Variants in PDE4D observed in about 807,000 individuals in gnomAD.
PDE4D encodes 3',5'-cyclic-AMP phosphodiesterase 4D.
Under a neutral mutation model 87.4 loss-of-function variants are expected in PDE4D, and 24 were observed. The observed-to-expected ratio is 0.27, with a 90% CI of 0.20 to 0.39. The LOEUF is 0.39. Ranked by LOEUF, PDE4D falls within the 10% of genes least tolerant of loss-of-function variation. The probability of loss-of-function intolerance (pLI) is 1.00; values close to 1 mark genes in which losing one functional copy is unlikely to be tolerated. For synonymous variants in PDE4D, 384 were observed against 383.2 expected (o/e 1.00, Z -0.02); for missense variants, 714 against 1,041.0 (o/e 0.69, Z 4.32).
At chr5:59,184,677 T>G (rs924953642) in intron 4 of PDE4D, among the ~76,000 whole-genome samples, 21 of 152,152 alleles carry the variant, frequency 1.4e-4, no homozygotes, top group Non-Finnish European at 2.8e-4. Flanking sequence ...GATAATCCTT[T>G]CCCATCTTTC....
intron 2 of PDE4D, among the ~76,000 whole-genome samples, chr5:60,059,267 AG>A (rs1220560942): frequency 4.6e-5 from 7 of 151,984 alleles, no homozygotes; most frequent in African/African-American, 1.7e-4. Flanking sequence ...GCATTCTAGT[AG>A]CAACTTCTCT....
At chr5:59,592,508 C>T (rs1281116238) in intron 1 of PDE4D, among the ~76,000 whole-genome samples, 1 of 151,972 alleles carries the variant, frequency 6.6e-6, no homozygotes, top group African/African-American at 2.4e-5. Flanking sequence ...CCAGCAAATG[C>T]TTTGTTGGGA....
chr5:59,420,689 G>GAAAAAAAAA (rs55960957), intron 1 of PDE4D, among the ~76,000 whole-genome samples: 2 of 122,012 alleles, frequency 1.6e-5, no homozygotes, highest in Non-Finnish European at 1.7e-5. Flanking sequence ...TACTGCACAA[G>GAAAAAAAAA]AAAAAAAAAA....
At chr5:60,121,638 A>C (rs1778694000) in intron 2 of PDE4D, among the ~76,000 whole-genome samples, 1 of 152,066 alleles carries the variant, frequency 6.6e-6, no homozygotes, top group African/African-American at 2.4e-5. Flanking sequence ...TCTCCCACCA[A>C]ATGCCTCCCA....
At chr5:60,479,910 G>A (rs1748600023) in intron 1 of PDE4D, among the ~76,000 whole-genome samples, 1 of 152,098 alleles carries the variant, frequency 6.6e-6, no homozygotes, top group Non-Finnish European at 1.5e-5. Flanking sequence ...TTTATACATA[G>A]GTTTTAGAAA....
intron 1 of PDE4D, among the ~76,000 whole-genome samples, chr5:59,627,300 C>T (rs956880698): frequency 6.6e-6 from 1 of 152,102 alleles, no homozygotes; most frequent in Admixed American, 6.5e-5. Flanking sequence ...TCAGAAAAGT[C>T]ACAAAGCAGG....
intron 1 of PDE4D, among the ~76,000 whole-genome samples, chr5:59,342,564 A>C (rs996963306): frequency 1.1e-4 from 16 of 152,266 alleles, no homozygotes; most frequent in African/African-American, 3.8e-4. Context: ...TTTAAAGTAC[A>C]TAAATTTTGG....
chr5:59,670,508 A>C (rs1747009362), intron 1 of PDE4D, among the ~76,000 whole-genome samples: 2 of 152,222 alleles, frequency 1.3e-5, no homozygotes, highest in South Asian at 4.1e-4. Flanking sequence ...AATTATTTTC[A>C]GCCTATGTTT....
chr5:60,351,286 T>A (rs1026601169), intron 1 of PDE4D, among the ~76,000 whole-genome samples: 2 of 152,194 alleles, frequency 1.3e-5, no homozygotes, highest in Admixed American at 6.6e-5. Flanking sequence ...TCCACTCATC[T>A]TCTTCTCCTT....
intron 2 of PDE4D, among the ~76,000 whole-genome samples, chr5:60,051,321 C>G (rs779662531): frequency 6.6e-6 from 1 of 152,100 alleles, no homozygotes; most frequent in African/African-American, 2.4e-5. Context: ...TGCAAAAGAA[C>G]AGAAATCATA....
At chr5:60,432,516 C>T (rs939601347) in intron 1 of PDE4D, among the ~76,000 whole-genome samples, 5 of 152,206 alleles carry the variant, frequency 3.3e-5, no homozygotes, top group East Asian at 1.9e-4. Flanking sequence ...TATCAATTTA[C>T]ATATGCAATG....
chr5:59,386,857 G>A (rs1211337924), intron 1 of PDE4D, among the ~76,000 whole-genome samples: 1 of 152,144 alleles, frequency 6.6e-6, no homozygotes, highest in African/African-American at 2.4e-5. Flanking sequence ...GAGGTAAAAT[G>A]AATTGCTAAA....
intron 1 of PDE4D, among the ~76,000 whole-genome samples, chr5:59,547,547 T>C (rs1238529636): frequency 6.6e-6 from 1 of 152,168 alleles, no homozygotes; most frequent in Non-Finnish European, 1.5e-5. Flanking sequence ...TTTTTGACAG[T>C]TTTATCTCAG....
intron 1 of PDE4D, among the ~76,000 whole-genome samples, chr5:60,402,402 A>G (rs1280507460): frequency 6.6e-6 from 1 of 152,204 alleles, no homozygotes; most frequent in African/African-American, 2.4e-5. Context: ...GTGAGTTTAC[A>G]TGAGACAATG....
intron 3 of PDE4D, among the ~76,000 whole-genome samples, chr5:59,932,169 C>T (rs1293097111): frequency 6.6e-6 from 1 of 152,172 alleles, no homozygotes; most frequent in Non-Finnish European, 1.5e-5. Context: ...GCCATCACGA[C>T]TTTTATGATA....
At chr5:59,237,807 G>T (rs1756807121) in intron 1 of PDE4D, among the ~76,000 whole-genome samples, 1 of 107,158 alleles carries the variant, frequency 9.3e-6, no homozygotes, top group Admixed American at 1.1e-4. Flanking sequence ...GTGTGTGTGT[G>T]TGTGTGTGTG....
chr5:59,321,361 C>T (rs1774696098), intron 1 of PDE4D, among the ~76,000 whole-genome samples: 1 of 152,008 alleles, frequency 6.6e-6, no homozygotes, highest in South Asian at 2.1e-4. Flanking sequence ...GATTTTTATG[C>T]TTAGGGTTGG....
intron 1 of PDE4D, among the ~76,000 whole-genome samples, chr5:59,849,709 T>G (rs1318332531): frequency 6.6e-6 from 1 of 152,040 alleles, no homozygotes; most frequent in East Asian, 1.9e-4. Context: ...TTTTTGTCCC[T>G]TATTTATTTT....
chr5:59,559,174 G>C (rs189386704), intron 1 of PDE4D, among the ~76,000 whole-genome samples: 6 of 152,178 alleles, frequency 3.9e-5, no homozygotes, highest in Non-Finnish European at 8.8e-5. Context: ...TTCCTAACAT[G>C]GTACCTGTCC....
Sources: gnomAD v4.1 joint callset for allele counts (sites outside exome capture counted in the v4.1 genomes callset) on GRCh38, gnomAD v4.1.1 for gene constraint, MANE v1.5 for transcripts, NCBI Gene and HGNC (gene_info 2026-07-23, HGNC 2026-07-21) for gene names.